Variants in PTPRO observed in about 807,000 individuals in gnomAD.
The protein encoded by PTPRO is protein tyrosine phosphatase receptor type O.
PTPRO carries 62 observed loss-of-function variants against 145.2 expected under a neutral mutation model. That is an observed-to-expected ratio of 0.43 (90% CI 0.35 to 0.53). The LOEUF (loss-of-function observed/expected upper bound fraction) is 0.53, where lower values mean the gene tolerates loss of function less well. Ranked by LOEUF, PTPRO falls within the 20% of genes least tolerant of loss-of-function variation. PTPRO has a pLI of 0.01. For missense variants in PTPRO, 1,345 were observed against 1,482.7 expected (o/e 0.91, Z 1.53); for synonymous variants, 565 against 514.7 (o/e 1.10, Z -1.32).
Position 15,578,927 on chromosome 12 carries a change from C to T in PTPRO, c.2904C>T (p.Tyr968=), listed in dbSNP as rs764761362. 1.9e-6 allele frequency: 3 copies of T among 1,593,910 alleles called. No homozygotes were observed. The highest frequency in any genetic ancestry group is 1.7e-6 in the Non-Finnish European group (2 of 1,161,718). Residue 968 remains tyrosine, a synonymous_variant, in exon 20 of 27, where the codon TAC becomes TAT. Transcript: ENST00000281171. ...CACTGAATCGATGTAAAAACCGTTA[C>T]ACAAACATCCTACCATGTAAGATCG... The part of the protein sequence containing the change: ...DLPLNRCKNR[Y]TNILPYDFSR...
chr12:15,324,436 T>C (rs779921864), intron 1 of PTPRO, among the ~76,000 whole-genome samples: 3 of 152,186 alleles, frequency 2.0e-5, no homozygotes, highest in Non-Finnish European at 2.9e-5. Flanking sequence ...AAACTCGATA[T>C]TGGAATGAGA....
At chr12:15,352,896 T>A (rs1937857446) in intron 1 of PTPRO, among the ~76,000 whole-genome samples, 1 of 152,080 alleles carries the variant, frequency 6.6e-6, no homozygotes, top group African/African-American at 2.4e-5. Flanking sequence ...TACAGTACAT[T>A]CCCATCAATT....
intron 23 of PTPRO, 57 bp from the exon 24 acceptor site, chr12:15,586,840 G>A: frequency 6.2e-7 from 1 of 1,602,670 alleles, no homozygotes; most frequent in Non-Finnish European, 8.5e-7. Flanking sequence ...AGAGTCCTGG[G>A]TCATCCTAAC....
At chr12:15,355,895 T>G (rs565185833) in intron 1 of PTPRO, among the ~76,000 whole-genome samples, 3 of 152,348 alleles carry the variant, frequency 2.0e-5, no homozygotes, top group Admixed American at 6.5e-5. Context: ...TATAATTAAC[T>G]GTGTCAAAAT....
At chr12:15,439,245 AC>A (rs1033286392) in intron 1 of PTPRO, among the ~76,000 whole-genome samples, 3 of 152,234 alleles carry the variant, frequency 2.0e-5, no homozygotes, top group Admixed American at 1.3e-4. Context: ...TTACCACTAG[AC>A]CAGCCTTAAG....
At chr12:15,479,177 C>A (rs897778706) in intron 1 of PTPRO, among the ~76,000 whole-genome samples, 6 of 152,130 alleles carry the variant, frequency 3.9e-5, no homozygotes, top group South Asian at 2.1e-4. Context: ...CTGTTGCTAC[C>A]TTAACCGTCA....
At chr12:15,527,488 T>C (rs567448331) in intron 12 of PTPRO, among the ~76,000 whole-genome samples, 44 of 152,242 alleles carry the variant, frequency 2.9e-4, no homozygotes, top group African/African-American at 1.0e-3. Flanking sequence ...GAACTACCAT[T>C]CCCAGTCCCA....
intron 1 of PTPRO, among the ~76,000 whole-genome samples, chr12:15,478,021 C>G (rs1322367390): frequency 1.3e-5 from 2 of 152,200 alleles, no homozygotes; most frequent in Non-Finnish European, 2.9e-5. Context: ...CTCAGCTGCT[C>G]TGTGTTTCTG....
chr12:15,341,108 TTTTG>T (rs936824496), intron 1 of PTPRO, among the ~76,000 whole-genome samples: 1 of 152,102 alleles, frequency 6.6e-6, no homozygotes, highest in Non-Finnish European at 1.5e-5. Flanking sequence ...AAGGTAAGGG[TTTTG>T]TTTGTTTTTC....
At chr12:15,354,036 G>C (rs1937899162) in intron 1 of PTPRO, among the ~76,000 whole-genome samples, 1 of 152,072 alleles carries the variant, frequency 6.6e-6, no homozygotes. Context: ...TGTGTAAGCT[G>C]AACAAACTAA....
chr12:15,507,148 C>A (rs1035849487), intron 6 of PTPRO, among the ~76,000 whole-genome samples: 6 of 152,178 alleles, frequency 3.9e-5, no homozygotes, highest in Non-Finnish European at 2.9e-5. Flanking sequence ...CACGGTGGCT[C>A]ACACCTATAA....
intron 19 of PTPRO, among the ~76,000 whole-genome samples, chr12:15,577,242 A>G (rs1368247094): frequency 6.6e-6 from 1 of 152,248 alleles, no homozygotes; most frequent in Non-Finnish European, 1.5e-5. Flanking sequence ...AAAAGCCAAA[A>G]GAGATGAGGA....
At chr12:15,408,210 CT>C (rs56321758) in intron 1 of PTPRO, among the ~76,000 whole-genome samples, 8,718 of 150,970 alleles carry the variant, frequency 0.058, 264 homozygotes, top group Non-Finnish European at 0.069. Flanking sequence ...ATCACCTGTT[CT>C]TTTTTTTTAT....
chr12:15,365,253 T>C (rs888860526), intron 1 of PTPRO, among the ~76,000 whole-genome samples: 6 of 152,142 alleles, frequency 3.9e-5, no homozygotes, highest in Non-Finnish European at 8.8e-5. Context: ...TGCCTCTTTC[T>C]CCCATATTTG....
At chr12:15,553,163 C>T (rs147399427) in intron 15 of PTPRO, among the ~76,000 whole-genome samples, 4 of 151,982 alleles carry the variant, frequency 2.6e-5, no homozygotes, top group Non-Finnish European at 4.4e-5. Context: ...AAACTTCATG[C>T]GTTCATATTA....
At chr12:15,335,099 A>G (rs950585855) in intron 1 of PTPRO, among the ~76,000 whole-genome samples, 2 of 152,140 alleles carry the variant, frequency 1.3e-5, no homozygotes, top group Non-Finnish European at 2.9e-5. Context: ...GCTGATAACT[A>G]AAGTGTAATT....
chr12:15,327,974 T>C (rs113575405), intron 1 of PTPRO, among the ~76,000 whole-genome samples: 37,438 of 151,884 alleles, frequency 0.25, 4,862 homozygotes, highest in Non-Finnish European at 0.3. Context: ...AACAGCCAGG[T>C]GTGGTGGCAG....
rs964755008 is a variant in PTPRO, at chr12:15,439,891, G to A, written c.76-44083G>A. On this transcript the variant is annotated intron_variant, in intron 1 of 26. Coordinates refer to ENST00000281171, the MANE Select transcript of PTPRO (RefSeq NM_030667.3). The stretch of plus-strand genomic sequence containing the variant: ...AGACCCACGTCGGCCAGCACACCAA[G>A]TTCAAGGTGTTTGTTGCCATTGGGG... 1.4e-5 allele frequency: 9 copies of A among 655,492 alleles called. No homozygotes were observed. The African/African-American group carries it at 1.6e-4, about 12-fold the overall frequency. 40.6% of individuals were successfully genotyped at this position (655,492 alleles called of 1,614,324 possible).
chr12:15,437,105 A>G (rs921331865), intron 1 of PTPRO, among the ~76,000 whole-genome samples: 1 of 151,672 alleles, frequency 6.6e-6, no homozygotes, highest in Non-Finnish European at 1.5e-5. Flanking sequence ...TCCTTGATGT[A>G]TATGGTGGTA....
Sources: allele counts gnomAD v4.1 joint callset (sites outside exome capture counted in the v4.1 genomes callset), GRCh38; gene constraint gnomAD v4.1.1; transcripts MANE v1.5; gene names NCBI Gene and HGNC (gene_info 2026-07-23, HGNC 2026-07-21).